Variants in CCDC171 observed in about 807,000 individuals in gnomAD.
CCDC171 encodes coiled-coil domain containing 171, also known as coiled-coil domain-containing protein 171.
Under a neutral mutation model 168.2 loss-of-function variants are expected in CCDC171, and 177 were observed. The ratio of observed to expected loss-of-function variants is 1.05; its 90% CI spans 0.93 to 1.19. The LOEUF is 1.19. CCDC171 is among the 50% of genes most tolerant of loss of function. CCDC171 has a pLI of 0.00. For missense variants in CCDC171, 1,991 were observed against 1,539.0 expected, an observed-to-expected ratio of 1.29 and a Z score of -4.91; for synonymous variants, 687 against 540.8, an observed-to-expected ratio of 1.27 and a Z score of -3.75.
intron 2 of CCDC171, among the ~76,000 whole-genome samples, chr9:15,570,416 C>T (rs1437252776): frequency 1.3e-5 from 2 of 150,546 alleles, no homozygotes; most frequent in Admixed American, 6.6e-5. Context: ...AAGTTGTCAT[C>T]TTTCTGCATA....
chr9:15,841,210 C>CT (rs1269843106), intron 21 of CCDC171, among the ~76,000 whole-genome samples: 19 of 151,858 alleles, frequency 1.3e-4, no homozygotes, highest in African/African-American at 4.1e-4. Flanking sequence ...TGTTAATTTC[C>CT]TTTTATCTTT....
chr9:15,804,211 A>G lies in CCDC171; in HGVS notation c.3267+19517A>G, dbSNP rs115776356. On this transcript the variant is annotated intron_variant, in intron 21 of 25. Coordinates refer to ENST00000380701, the MANE Select transcript of CCDC171 (RefSeq NM_173550.4). ...TTTGACTTCCTCTCTTTCTATTTCC[A>G]TACTTATTTATTTCTTTGTCTTGCC... Among the ~76,000 whole-genome samples, 836 of 152,150 alleles carry G rather than the reference A, an allele frequency of 5.5e-3. 6 individuals carry two copies. The highest frequency in any genetic ancestry group is 0.019 in the African/African-American group (786 of 41,520).
intron 25 of CCDC171, among the ~76,000 whole-genome samples, chr9:15,967,086 A>G (rs976270704): frequency 6.6e-6 from 1 of 152,214 alleles, no homozygotes; most frequent in Non-Finnish European, 1.5e-5. Context: ...ACGGTGGCCT[A>G]TGAGACCAGC....
chr9:15,564,377 G>A (rs2039556738), intron 2 of CCDC171, among the ~76,000 whole-genome samples: 2 of 152,326 alleles, frequency 1.3e-5, no homozygotes, highest in African/African-American at 2.4e-5. Flanking sequence ...ACTTTGTCCT[G>A]TTACTAGAGA....
chr9:15,633,952 C>G (rs1345624506), intron 7 of CCDC171, among the ~76,000 whole-genome samples: 4 of 151,714 alleles, frequency 2.6e-5, no homozygotes, highest in Non-Finnish European at 5.9e-5. Flanking sequence ...CATATTCTCA[C>G]TCATAGGTGG....
chr9:15,809,807 C>T lies in CCDC171; in HGVS notation c.3267+25113C>T, dbSNP rs571688228. Among the ~76,000 whole-genome samples, 16 of 152,288 alleles carry T rather than the reference C, an allele frequency of 1.1e-4. No homozygotes were observed. The South Asian group carries it at 3.3e-3, about 32-fold the overall frequency. On this transcript the variant is annotated intron_variant, in intron 21 of 25. Coordinates refer to ENST00000380701, the MANE Select transcript of CCDC171 (RefSeq NM_173550.4). ...AAAGCTTCCACAATGTGGAAGAGGA[C>T]CCGAACGGGTTGCCACTGCTGCCTG... is the stretch of plus-strand genomic sequence containing the variant.
At chr9:15,809,208 T>A (rs886193424) in intron 21 of CCDC171, among the ~76,000 whole-genome samples, 3 of 152,194 alleles carry the variant, frequency 2.0e-5, no homozygotes, top group African/African-American at 4.8e-5. Context: ...GCCAGGCACA[T>A]GTGGCTGAGA....
the CCDC171 span, among the ~76,000 whole-genome samples, chr9:16,080,935 A>G: frequency 6.6e-6 from 1 of 152,142 alleles, no homozygotes; most frequent in Non-Finnish European, 1.5e-5. Context: ...GTGATTTTAT[A>G]GTTCTCTAAC....
At chr9:15,729,346 TATAGA>T (rs2054012909) in intron 15 of CCDC171, among the ~76,000 whole-genome samples, 1 of 152,146 alleles carries the variant, frequency 6.6e-6, no homozygotes, top group African/African-American at 2.4e-5. Context: ...TCAAATTAAT[TATAGA>T]ATAAGTAACT....
At chr9:16,038,287 T>C (rs1020861945), upstream of CCDC171, among the ~76,000 whole-genome samples, 4 of 151,970 alleles carry the variant, frequency 2.6e-5, no homozygotes, top group African/African-American at 9.7e-5. Flanking sequence ...TAGAAGAAAA[T>C]TGAACTAGAA....
intron 3 of CCDC171, among the ~76,000 whole-genome samples, chr9:15,983,812 A>AAG (rs768227891): frequency 0.018 from 787 of 43,348 alleles, 8 homozygotes; most frequent in Middle Eastern, 0.054. Context: ...GAGCTAAATA[A>AAG]AGAGAGTGTG....
intron 6 of CCDC171, among the ~76,000 whole-genome samples, chr9:16,033,478 C>A (rs1457103400): frequency 6.6e-6 from 1 of 152,154 alleles, no homozygotes. Context: ...GCGTTCCTTG[C>A]GAGAATCTAA....
At chr9:15,598,141 T>C (rs1285878929) in intron 6 of CCDC171, among the ~76,000 whole-genome samples, 5 of 152,178 alleles carry the variant, frequency 3.3e-5, no homozygotes, top group African/African-American at 1.2e-4. Flanking sequence ...TTTGTGTCTC[T>C]ATTTCCTTCA....
At chr9:15,706,216 T>TCTTCCTTC (rs148383501) in intron 11 of CCDC171, among the ~76,000 whole-genome samples, 2,768 of 149,406 alleles carry the variant, frequency 0.019, 36 homozygotes, top group Non-Finnish European at 0.027. Context: ...ACCCATGTAG[T>TCTTCCTTC]CTTCCTTCCT....
intron 9 of CCDC171, among the ~76,000 whole-genome samples, chr9:15,668,388 G>A (rs116724181): frequency 6.6e-6 from 1 of 151,896 alleles, no homozygotes; most frequent in Non-Finnish European, 1.5e-5. Context: ...TTGTATTTTG[G>A]TACTTGAAAA....
At chr9:15,588,171 G>T (rs140640094) in intron 4 of CCDC171, among the ~76,000 whole-genome samples, 1 of 152,146 alleles carries the variant, frequency 6.6e-6, no homozygotes, top group Admixed American at 6.5e-5. Context: ...GGCGGCAGAG[G>T]TTGCAGTGAG....
intron 11 of CCDC171, among the ~76,000 whole-genome samples, chr9:15,715,422 A>G (rs1318888492): frequency 6.6e-6 from 1 of 152,228 alleles, no homozygotes; most frequent in Admixed American, 6.5e-5. Context: ...AAATGTTTGT[A>G]TTAGTGCTTT....
In CCDC171 at chr9:15,576,264, G is replaced by A. The variant is rs117195430; in HGVS notation, c.178-2585G>A. Among the ~76,000 whole-genome samples, 131 of 151,920 alleles carry A rather than the reference G, an allele frequency of 8.6e-4. 2 individuals are homozygous for A. Among genetic ancestry groups the A allele is most frequent in the Non-Finnish European group, 1.2e-3 (81 of 67,958 alleles). The stretch of plus-strand genomic sequence containing the variant: ...AGTGATGTGATCATTGCTCCCTACA[G>A]CCTGGAACTCCTGGGCTCAAGTGAT... On this transcript the variant is annotated intron_variant, in intron 3 of 25. Transcript: ENST00000380701.
rs1472133895 is a variant in CCDC171 at position 16,059,556 on chromosome 9, G to A, written n.90-1090G>A. The stretch of plus-strand genomic sequence containing the variant: ...GGAGTCTCGCTCTGTCGCCCAGGCC[G>A]GACTGCGGACTGCAGTGGCGCAATC... On this transcript the variant is annotated intron_variant and non_coding_transcript_variant, in intron 1 of 1. Transcript: ENST00000478913. 9.7e-5 allele frequency among the ~76,000 whole-genome samples: 12 copies of A among 123,960 alleles called. No homozygotes were observed. In the South Asian group the frequency reaches 1.4e-3, roughly 15 times the overall value. The allele number at this position is 123,960 out of a possible 152,430, so 81.3% of individuals were successfully genotyped here.
Sources: allele counts gnomAD v4.1 joint callset (sites outside exome capture counted in the v4.1 genomes callset), GRCh38; gene constraint gnomAD v4.1.1; transcripts MANE v1.5; gene names NCBI Gene and HGNC (gene_info 2026-07-23, HGNC 2026-07-21).